The following COP1 variants were observed in gnomAD, a reference collection of about 807,000 sequenced individuals.
COP1 encodes the protein E3 ubiquitin-protein ligase COP1.
Under a neutral mutation model 101.3 loss-of-function variants are expected in COP1, and 24 were observed. The ratio of observed to expected loss-of-function variants is 0.24; its 90% CI spans 0.17 to 0.33. The LOEUF is 0.33. Ranked by LOEUF, COP1 falls within the 10% of genes least tolerant of loss-of-function variation. COP1 has a pLI of 1.00. For synonymous variants in COP1, 347 were observed against 341.9 expected (o/e 1.01, Z -0.17); for missense variants, 663 against 906.2 (o/e 0.73, Z 3.45).
rs185700014 is a variant in COP1 at position 176,100,876 on chromosome 1, C to G, written c.1027-14986G>C. Among the ~76,000 whole-genome samples the G allele has an allele frequency of 7.7e-3, 1,167 of 152,146 alleles. 17 individuals carry two copies. The highest frequency in any genetic ancestry group is 0.026 in the African/African-American group (1,086 of 41,490). ...CGTGCAACACCCCCACCCCCCAAGA[C>G]ACATTTTTGTCTCAAACTCAATTCC... is the stretch of plus-strand genomic sequence containing the variant. On this transcript the variant is annotated intron_variant, in intron 9 of 19. Coordinates refer to ENST00000367669, the MANE Select transcript of COP1 (RefSeq NM_022457.7).
At chr1:175,969,344 T>C (rs2148591944) in intron 18 of COP1, among the ~76,000 whole-genome samples, 1 of 152,168 alleles carries the variant, frequency 6.6e-6, no homozygotes, top group East Asian at 1.9e-4. Flanking sequence ...AGGAAGACCT[T>C]CTCCCACACT....
At chr1:176,035,613 A>C (rs1022750017) in intron 14 of COP1, among the ~76,000 whole-genome samples, 1 of 151,466 alleles carries the variant, frequency 6.6e-6, no homozygotes, top group African/African-American at 2.4e-5. Context: ...GTTTCAAAAT[A>C]TATCAGGTAA....
chr1:176,184,605 AT>A (rs752469867), intron 2 of COP1, 27 bp downstream of exon 2: 5 of 1,539,442 alleles, frequency 3.2e-6, no homozygotes, highest in Middle Eastern at 1.7e-4. Context: ...ATGTTAAAAG[AT>A]TATTTTACTC....
At chr1:176,064,837 T>G (rs2149317353) in intron 11 of COP1, among the ~76,000 whole-genome samples, 1 of 152,156 alleles carries the variant, frequency 6.6e-6, no homozygotes, top group Admixed American at 6.5e-5. Context: ...TTGCCCAGAC[T>G]GGTCTCGAGC....
At chr1:176,131,462 C>T (rs1381858103) in intron 8 of COP1, among the ~76,000 whole-genome samples, 2 of 151,644 alleles carry the variant, frequency 1.3e-5, no homozygotes, top group Non-Finnish European at 3.0e-5. Context: ...AACATAAACC[C>T]AGAATCTATG....
chr1:176,133,638 A>G (rs1689313650), intron 8 of COP1, among the ~76,000 whole-genome samples: 2 of 151,980 alleles, frequency 1.3e-5, no homozygotes, highest in South Asian at 2.1e-4. Flanking sequence ...GAGGCATTCA[A>G]TAAATAGAGC....
chr1:176,043,011 A>G (rs1316925213), intron 14 of COP1, among the ~76,000 whole-genome samples, 175 bp downstream of exon 14: 4 of 152,218 alleles, frequency 2.6e-5, no homozygotes, highest in Admixed American at 6.5e-5. Flanking sequence ...CCTGGGTGAC[A>G]GAGTGAGATT....
chr1:176,138,473 C>A (rs1393294861), intron 6 of COP1, among the ~76,000 whole-genome samples: 1 of 152,088 alleles, frequency 6.6e-6, no homozygotes, highest in African/African-American at 2.4e-5. Flanking sequence ...AAACTTCCTG[C>A]CGCCTTAAAA....
intron 3 of COP1, among the ~76,000 whole-genome samples, chr1:176,173,984 C>G (rs1257052153): frequency 3.1e-4 from 2 of 6,404 alleles, no homozygotes; most frequent in African/African-American, 3.8e-4. Context: ...GAGATGCTGT[C>G]TCAAAAAAAA....
At chr1:176,138,158 A>G (rs1690099372) in intron 6 of COP1, among the ~76,000 whole-genome samples, 1 of 152,200 alleles carries the variant, frequency 6.6e-6, no homozygotes, top group Non-Finnish European at 1.5e-5. Context: ...GAATAAGCAG[A>G]GTAAATAATA....
rs145031057 is a variant in COP1 at position 176,087,455 on chromosome 1, C to G, written c.1027-1565G>C. Among the ~76,000 whole-genome samples, 406 of 152,176 alleles carry G rather than the reference C, an allele frequency of 2.7e-3. 3 individuals are homozygous for G. Among genetic ancestry groups the G allele is most frequent in the African/African-American group, 9.3e-3 (387 of 41,524 alleles). ...AAAAAGTGGGAGAAGGGTATGAACA[C>G]ACACTTCTCAAAAGAAGACATTTAT... On this transcript the variant is annotated intron_variant, in intron 9 of 19. Transcript: ENST00000367669.
chr1:176,046,077 C>T (rs1671474970), intron 12 of COP1, 104 bp downstream of exon 12: 1 of 828,306 alleles, frequency 1.2e-6, no homozygotes, highest in African/African-American at 1.7e-5. Flanking sequence ...ATAGTGTTCA[C>T]CATGAGTAAA....
chr1:176,180,225 A>G (rs907496707), intron 2 of COP1, among the ~76,000 whole-genome samples: 1 of 152,152 alleles, frequency 6.6e-6, no homozygotes, highest in Non-Finnish European at 1.5e-5. Context: ...AAGAATTCAA[A>G]CTCAGTAAAT....
chr1:175,946,863 T>C (rs1462516264), intron 19 of COP1, among the ~76,000 whole-genome samples: 1 of 152,246 alleles, frequency 6.6e-6, no homozygotes, highest in East Asian at 1.9e-4. Context: ...TTTTGGGCTC[T>C]ATCTACTGAA....
At chr1:176,024,407 CA>C (rs900695074) in intron 15 of COP1, among the ~76,000 whole-genome samples, 1 of 151,814 alleles carries the variant, frequency 6.6e-6, no homozygotes, top group Non-Finnish European at 1.5e-5. Context: ...TCAACAGAGG[CA>C]AAAAAAAAGC....
chr1:176,072,661 A>G (rs1014224886), intron 11 of COP1, among the ~76,000 whole-genome samples: 1 of 152,240 alleles, frequency 6.6e-6, no homozygotes, highest in African/African-American at 2.4e-5. Context: ...GTATAAATTT[A>G]AAGCTCACAA....
At chr1:175,989,577 T>G (rs1657923490) in intron 15 of COP1, 98 bp from the exon 16 acceptor site, 1 of 663,642 alleles carries the variant, frequency 1.5e-6, no homozygotes, top group African/African-American at 1.8e-5. Flanking sequence ...AAGTTTCACA[T>G]ATGATGTCTA....
At chr1:176,176,991 T>A (rs1283504504) in intron 2 of COP1, among the ~76,000 whole-genome samples, 1 of 152,108 alleles carries the variant, frequency 6.6e-6, no homozygotes, top group Non-Finnish European at 1.5e-5. Flanking sequence ...TAGGAATTTA[T>A]CCTAAGGAAA....
intron 1 of COP1, among the ~76,000 whole-genome samples, chr1:176,202,856 A>C (rs181895304): frequency 7.0e-6 from 1 of 142,378 alleles, no homozygotes; most frequent in Non-Finnish European, 1.6e-5. Flanking sequence ...CATGACACTA[A>C]GAGAGGCAAT....
Sources: allele counts gnomAD v4.1 joint callset (sites outside exome capture counted in the v4.1 genomes callset), GRCh38; gene constraint gnomAD v4.1.1; transcripts MANE v1.5; gene names NCBI Gene and HGNC (gene_info 2026-07-23, HGNC 2026-07-21).